The following GLB1L3 variants were observed in gnomAD, a reference collection of about 807,000 sequenced individuals.
GLB1L3 encodes the protein galactosidase beta 1 like 3, also known as beta-galactosidase-1-like protein 3.
In GLB1L3, 89 loss-of-function variants were observed where a neutral mutation model predicts 89.5. The observed-to-expected ratio is 0.99, with a 90% CI of 0.84 to 1.19. GLB1L3 has a LOEUF of 1.19. GLB1L3 is among the 50% of genes most tolerant of loss of function. The pLI, the probability that GLB1L3 is intolerant of heterozygous loss-of-function variation, is 0.00. For synonymous variants in GLB1L3, 314 were observed against 312.3 expected, an observed-to-expected ratio of 1.01 and a Z score of -0.06; for missense variants, 812 against 813.3, an observed-to-expected ratio of 1.00 and a Z score of 0.02.
intron 14 of GLB1L3, 71 bp from the exon 15 acceptor site, chr11:134,312,745 C>A: frequency 1.5e-6 from 2 of 1,321,900 alleles, no homozygotes; most frequent in East Asian, 2.4e-5. Context: ...CTCCTTCTCC[C>A]GAAACCGCGG....
intron 9 of GLB1L3, among the ~76,000 whole-genome samples, chr11:134,294,901 C>T (rs1193389739): frequency 1.3e-5 from 2 of 152,172 alleles, no homozygotes. Flanking sequence ...GGCCGTCCTG[C>T]TTTAGTGTGT....
chr11:134,309,658 T>C lies in GLB1L3; in HGVS notation c.994T>C (p.Tyr332His), dbSNP rs1942624893. ...VEHAVSEFIKYEISFNVYMFH... is the reference protein window; with the variant it reads ...VEHAVSEFIKHEISFNVYMFH... Reference sequence around the variant, plus strand: ...ACATGCTGTGTCTGAATTCATCAAATATGAGATCTCCTTCAATGTATATAT... The same window carrying C: ...ACATGCTGTGTCTGAATTCATCAAACATGAGATCTCCTTCAATGTATATAT... The change falls in exon 11 of 20, where the codon TAT becomes CAT. Residue 332 changes from tyrosine (Y) to histidine (H), a missense_variant. By Grantham distance (83) the Tyr-to-His change is moderately conservative (BLOSUM62 2). Transcript: ENST00000431683. 1 of 1,609,370 alleles carries C rather than the reference T, an allele frequency of 6.2e-7. No individual in the cohort carries two copies. The highest frequency in any genetic ancestry group is 8.5e-7 in the Non-Finnish European group (1 of 1,176,992).
chr11:134,276,343 C>A (rs1223062407), upstream of GLB1L3: 1 of 188,194 alleles, frequency 5.3e-6, no homozygotes, highest in Non-Finnish European at 1.1e-5. Context: ...CGCTGTGCCC[C>A]GCGCTGCGCT....
intron 13 of GLB1L3, chr11:134,311,859 C>G (rs1942750044): frequency 1.3e-5 from 2 of 152,940 alleles, no homozygotes; most frequent in Admixed American, 1.3e-4. Flanking sequence ...TGCGGTGGCA[C>G]AATCATGGCT....
chr11:134,280,302 C>T (rs1368148578), intron 3 of GLB1L3, among the ~76,000 whole-genome samples: 1 of 152,096 alleles, frequency 6.6e-6, no homozygotes, highest in Non-Finnish European at 1.5e-5. Context: ...TGACATAGTA[C>T]ATGCCAATAT....
rs865951359 is a variant in GLB1L3 at position 134,281,874 on chromosome 11, G to A, written c.432-151G>A. On this transcript the variant is annotated intron_variant, in intron 4 of 19. Coordinates refer to ENST00000431683, the MANE Select transcript of GLB1L3 (RefSeq NM_001080407.3). ...GAGGCTGGGAGCAGCTCAGGCCACC[G>A]ACCTGGTGTGGGAGTCCCCACGCTT... 1.3e-4 allele frequency: 83 copies of A among 623,540 alleles called. 1 individual carries two copies. The Middle Eastern group carries it at 2.2e-3, about 16-fold the overall frequency. The allele number at this position is 623,540 out of a possible 1,614,324, so 38.6% of individuals were successfully genotyped here. A position where few individuals can be genotyped will look rare whatever the true frequency, so the allele number is the denominator to read the frequency against.
At chr11:134,323,057 G>A (rs188582265), downstream of GLB1L3, among the ~76,000 whole-genome samples, 98 of 152,138 alleles carry the variant, frequency 6.4e-4, no homozygotes, top group East Asian at 4.3e-3. Context: ...TTCTAAGTTC[G>A]CCACATCCTC....
chr11:134,287,743 G>A (rs915459041), intron 6 of GLB1L3, among the ~76,000 whole-genome samples: 1 of 152,338 alleles, frequency 6.6e-6, no homozygotes, highest in African/African-American at 2.4e-5. Context: ...CAGGCGTGGC[G>A]CTGCCCTGTG....
intron 10 of GLB1L3, among the ~76,000 whole-genome samples, chr11:134,308,326 CCATCACCATCACCATCAT>C (rs1942394647): frequency 2.2e-4 from 12 of 54,558 alleles, no homozygotes; most frequent in Non-Finnish European, 3.3e-4. Context: ...ACCACCATCA[CCATCACCATCACCATCAT>C]CACCATCACC....
At chr11:134,278,495 G>C (rs1454130046) in intron 3 of GLB1L3, among the ~76,000 whole-genome samples, 1 of 152,008 alleles carries the variant, frequency 6.6e-6, no homozygotes, top group East Asian at 1.9e-4. Context: ...CATGTTGCCT[G>C]GGCTGGTCTC....
At chr11:134,311,003 GC>G (rs1565417464) in intron 12 of GLB1L3, 60 bp from the exon 13 acceptor site, 1 of 1,169,700 alleles carries the variant, frequency 8.5e-7, no homozygotes, top group East Asian at 2.3e-5. Context: ...GGCATGGGGG[GC>G]TTAGAGAAGG....
At chr11:134,324,115 T>C (rs762625108), downstream of GLB1L3, among the ~76,000 whole-genome samples, 1 of 152,224 alleles carries the variant, frequency 6.6e-6, no homozygotes, top group Non-Finnish European at 1.5e-5. Context: ...TTTCTTGGGT[T>C]GCTGTGCTAT....
chr11:134,308,211 C>CCACCACCATCACCACCACCATCAT (rs1942328066), intron 10 of GLB1L3, among the ~76,000 whole-genome samples: 4 of 27,858 alleles, frequency 1.4e-4, no homozygotes, highest in African/African-American at 8.2e-4. Context: ...ACTACCACCA[C>CCACCACCATCACCACCACCATCAT]CACCATCACC....
intron 18 of GLB1L3, among the ~76,000 whole-genome samples, chr11:134,314,962 C>T (rs1942917447): frequency 6.6e-6 from 1 of 152,120 alleles, no homozygotes; most frequent in Admixed American, 6.5e-5. Context: ...CAAATGATCA[C>T]AAAGTGAACA....
intron 9 of GLB1L3, among the ~76,000 whole-genome samples, chr11:134,303,876 C>T (rs372775673): frequency 6.6e-6 from 1 of 152,114 alleles, no homozygotes. Context: ...TCAGTCTCTT[C>T]CCGGCTCTGA....
At chr11:134,308,505 CCA>C in intron 10 of GLB1L3, among the ~76,000 whole-genome samples, 1 of 49,780 alleles carries the variant, frequency 2.0e-5, no homozygotes, top group Non-Finnish European at 4.3e-5. Flanking sequence ...CCAAATACCA[CCA>C]CCACCACCAC....
intron 13 of GLB1L3, 119 bp from the exon 14 acceptor site, chr11:134,312,230 C>CT (rs1942766662): frequency 1.8e-6 from 2 of 1,126,384 alleles, no homozygotes; most frequent in South Asian, 1.5e-5. Context: ...TCTGTTTCAT[C>CT]ATTTCCCATT....
chr11:134,290,159 T>C (rs959049640), intron 7 of GLB1L3, among the ~76,000 whole-genome samples: 4 of 152,190 alleles, frequency 2.6e-5, no homozygotes, highest in Non-Finnish European at 4.4e-5. Context: ...CTGCCCTGCA[T>C]CGGTTGTGTT....
rs1470352931 is a variant in GLB1L3 at position 134,308,567 on chromosome 11, A to T, written c.962-1059A>T. Among the ~76,000 whole-genome samples the T allele has an allele frequency of 2.9e-3, 406 of 141,654 alleles. 1 individual carries two copies. Among genetic ancestry groups the T allele is most frequent in the Non-Finnish European group, 5.1e-3 (329 of 64,274 alleles). The allele number at this position is 141,654 out of a possible 152,430, so 92.9% of individuals were successfully genotyped here. On this transcript the variant is annotated intron_variant, in intron 10 of 19. Coordinates refer to ENST00000431683, the MANE Select transcript of GLB1L3 (RefSeq NM_001080407.3). ...CATCACCATCACCATCACCACCACC[A>T]CCACCATCACCATCACCATCATCAC...
Sources: allele counts gnomAD v4.1 joint callset (sites outside exome capture counted in the v4.1 genomes callset), GRCh38; gene constraint gnomAD v4.1.1; transcripts MANE v1.5; gene names NCBI Gene and HGNC (gene_info 2026-07-23, HGNC 2026-07-21).